LRRC34: variants seen among roughly 807,000 people sequenced by gnomAD.
The protein encoded by LRRC34 is leucine-rich repeat-containing protein 34.
Under a neutral mutation model 48.5 loss-of-function variants are expected in LRRC34, and 44 were observed. The observed-to-expected ratio is 0.91, with a 90% CI of 0.71 to 1.17. The LOEUF is 1.17. Among genes scored for constraint, LRRC34 ranks in the 50% most tolerant of loss-of-function variants. The pLI is 0.00. For synonymous variants in LRRC34, 192 were observed against 197.6 expected (o/e 0.97, Z 0.24); for missense variants, 502 against 563.0 (o/e 0.89, Z 1.10).
intron 8 of LRRC34, 149 bp from the exon 9 acceptor site, chr3:169,796,518 C>A: frequency 9.8e-7 from 1 of 1,019,980 alleles, no homozygotes; most frequent in South Asian, 1.8e-5. Flanking sequence ...TGAAAATTCA[C>A]CATAAAATAT....
intron 9 of LRRC34, 23 bp from the exon 10 acceptor site, chr3:169,795,634 G>C: frequency 6.3e-7 from 1 of 1,596,424 alleles, no homozygotes; most frequent in Non-Finnish European, 8.6e-7. Flanking sequence ...ATTCCACAAG[G>C]AAAGAATACA....
chr3:169,793,995 T>G (rs922945391), intron 10 of LRRC34, 157 bp from the exon 11 acceptor site: 1 of 542,056 alleles, frequency 1.8e-6, no homozygotes, highest in Non-Finnish European at 3.2e-6. Flanking sequence ...TTCCAGGTAT[T>G]GTAAATAGAT....
chr3:169,796,797 A>T lies in LRRC34; in HGVS notation c.856T>A (p.Leu286Ile), dbSNP rs10936600. 410,129 of 1,609,518 alleles carry T rather than the reference A, an allele frequency of 0.25. 58,048 individuals carry two copies. Among genetic ancestry groups the T allele is most frequent in the East Asian group, 0.6 (26,884 of 44,636 alleles). ...CTGTTCAGATACAGTGCATCACATA[A>T]CTGTTGTATACCACTGTTTTTTATA... ...HDIKNSGIQQ[L>I]CDALYLNSSL... Residue 286 changes from leucine to isoleucine, a missense_variant, in exon 8 of 11, where the codon TTA becomes ATA. Leu to Ile is a conservative substitution (Grantham distance 5, BLOSUM62 2). Transcript: ENST00000446859.
chr3:169,799,717 G>A (rs1341936078), intron 7 of LRRC34, among the ~76,000 whole-genome samples: 1 of 152,114 alleles, frequency 6.6e-6, no homozygotes, highest in Non-Finnish European at 1.5e-5. Context: ...TTGATTGATT[G>A]ATTGATTGAG....
chr3:169,802,466 A>G (rs1779227769), intron 6 of LRRC34, among the ~76,000 whole-genome samples: 1 of 152,106 alleles, frequency 6.6e-6, no homozygotes, highest in Non-Finnish European at 1.5e-5. Context: ...ACTTCTCCCC[A>G]TTATCAGAGT....
chr3:169,808,695 T>C lies in LRRC34; in HGVS notation c.190A>G (p.Lys64Glu). 1 of 1,598,110 alleles carries C rather than the reference T, an allele frequency of 6.3e-7. No individual in the cohort carries two copies. Among genetic ancestry groups the C allele is most frequent in the Non-Finnish European group, 8.6e-7 (1 of 1,168,738 alleles). The change falls in exon 2 of 11, where the codon AAA becomes GAA. Residue 64 changes from lysine to glutamate, a missense_variant. By Grantham distance (56) the Lys-to-Glu change is moderately conservative. Coordinates refer to ENST00000446859, the MANE Select transcript of LRRC34 (RefSeq NM_001172779.2). ...ATAAAAGGATTAATTTTCTGGGATT[T>C]TTCCATACACAGATTAGAATAATGT... is the stretch of plus-strand genomic sequence containing the variant. ...QKHYSNLCME[K>E]SQKINPFILH...
chr3:169,805,222 G>GT (rs1779330894), intron 5 of LRRC34, among the ~76,000 whole-genome samples: 1 of 152,166 alleles, frequency 6.6e-6, no homozygotes, highest in South Asian at 2.1e-4. Flanking sequence ...AACTCTGTAT[G>GT]TGACACCATC....
In LRRC34 at chr3:169,812,097, C is replaced by T. The variant is rs1325865789; in HGVS notation, c.139+313G>A. ...CTGAGAAGAGCCCCCCCGCCACCCC[C>T]TCCCGGAGACCCTGAGAGCACGGCG... On this transcript the variant is annotated intron_variant, in intron 1 of 10. Transcript: ENST00000446859. The surrounding 1 kb of genome is among the most constrained non-coding windows in gnomAD (Gnocchi z 4.3). Among the ~76,000 whole-genome samples the T allele has an allele frequency of 6.6e-6, 1 of 152,096 alleles. No homozygotes were observed. Among genetic ancestry groups the T allele is most frequent in the East Asian group, 1.9e-4 (1 of 5,170 alleles).
In LRRC34 at chr3:169,807,636, CT is replaced by C; in HGVS notation, c.330del (p.Asp111IlefsTer9). On this transcript the variant is annotated frameshift_variant, in exon 3 of 11. Coordinates refer to ENST00000446859, the MANE Select transcript of LRRC34 (RefSeq NM_001172779.2). LOFTEE classifies it high-confidence loss of function. ...AAAATTTTGGAAAGAATCCAAAAAT[CT>C]TCACCTGTAACTCTTTCTACTGGCA... ...RLVPVERVTG[E>X]DFWILSKILK... The C allele has an allele frequency of 1.3e-6, 2 of 1,594,612 alleles. No individual in the cohort carries two copies. The highest frequency in any genetic ancestry group is 1.7e-6 in the Non-Finnish European group (2 of 1,169,988).
At chr3:169,800,589 C>T in intron 7 of LRRC34, 70 bp downstream of exon 7, 2 of 894,026 alleles carry the variant, frequency 2.2e-6, no homozygotes, top group Non-Finnish European at 3.4e-6. Context: ...TGTACCTTGA[C>T]ATAAACTTGT....
intron 1 of LRRC34, among the ~76,000 whole-genome samples, chr3:169,809,142 A>G (rs1172406925): frequency 2.6e-5 from 4 of 151,758 alleles, no homozygotes; most frequent in African/African-American, 9.7e-5. Flanking sequence ...GCAGAATCAA[A>G]CTGATTCCAA....
chr3:169,802,895 TG>T (rs1377012924), intron 6 of LRRC34, among the ~76,000 whole-genome samples: 1 of 152,170 alleles, frequency 6.6e-6, no homozygotes, highest in Admixed American at 6.5e-5. Context: ...GAGAATTGTT[TG>T]AACCCGGGAG....
chr3:169,809,199 C>CTTTTTT (rs35059929), intron 1 of LRRC34, among the ~76,000 whole-genome samples: 1 of 113,356 alleles, frequency 8.8e-6, no homozygotes. Flanking sequence ...CTCAAGGTTT[C>CTTTTTT]TTTTTTTTTT....
chr3:169,812,599 C>A lies in LRRC34; in HGVS notation c.-51G>T, dbSNP rs1028178635. 2.8e-6 allele frequency: 4 copies of A among 1,419,010 alleles called. No homozygotes were observed. Among genetic ancestry groups the A allele is most frequent in the Admixed American group, 2.9e-5 (1 of 34,414 alleles). 87.9% of individuals were successfully genotyped at this position (1,419,010 alleles called of 1,614,324 possible). ...CGCCTGCAGCTGTGAGGCGGCTACA[C>A]GAGCCTCGGCGCCAGCCTGCTTCGA... On this transcript the variant is annotated 5_prime_UTR_variant, in exon 1 of 11. Coordinates refer to ENST00000446859, the MANE Select transcript of LRRC34 (RefSeq NM_001172779.2). The surrounding 1 kb of genome is among the most constrained non-coding windows in gnomAD (Gnocchi z 4.3).
At chr3:169,796,496 CA>C (rs1475921419) in intron 8 of LRRC34, 127 bp from the exon 9 acceptor site, 7 of 1,139,792 alleles carry the variant, frequency 6.1e-6, no homozygotes, top group Non-Finnish European at 8.5e-6. Context: ...ACTTGATTTC[CA>C]AGAAAGTTAA....
intron 7 of LRRC34, among the ~76,000 whole-genome samples, chr3:169,798,136 G>A (rs1173823169): frequency 6.6e-6 from 1 of 152,152 alleles, no homozygotes; most frequent in Non-Finnish European, 1.5e-5. Context: ...CAACCACTTA[G>A]GGGGTTCCAC....
intron 4 of LRRC34, 28 bp downstream of exon 4, chr3:169,807,398 C>G: frequency 6.2e-7 from 1 of 1,600,406 alleles, no homozygotes; most frequent in Non-Finnish European, 8.6e-7. Context: ...GTAAATGGAA[C>G]TAAGGACATT....
chr3:169,800,557 C>A, intron 7 of LRRC34, 102 bp downstream of exon 7: 1 of 576,876 alleles, frequency 1.7e-6, no homozygotes, highest in Non-Finnish European at 2.9e-6. Flanking sequence ...GTAAGTACAT[C>A]TCTAAAAATA....
intron 10 of LRRC34, 103 bp downstream of exon 10, chr3:169,795,382 G>A: frequency 1.7e-6 from 2 of 1,212,120 alleles, no homozygotes; most frequent in East Asian, 2.6e-5. Context: ...AAACTGCAGT[G>A]TCTCACTGTG....
Sources: gnomAD v4.1 joint callset for allele counts (sites outside exome capture counted in the v4.1 genomes callset) on GRCh38, gnomAD v4.1.1 for gene constraint, Gnocchi (gnomAD v3.1) non-coding constraint, MANE v1.5 for transcripts, NCBI Gene and HGNC (gene_info 2026-07-23, HGNC 2026-07-21) for gene names.